PDZRN3: variants seen among roughly 807,000 people sequenced by gnomAD.
The protein encoded by PDZRN3 is PDZ domain containing ring finger 3.
Under a neutral mutation model 85.7 loss-of-function variants are expected in PDZRN3, and 38 were observed. The ratio of observed to expected loss-of-function variants is 0.44; its 90% CI spans 0.34 to 0.58. The LOEUF is 0.58. Ranked by LOEUF, PDZRN3 falls within the 20% of genes least tolerant of loss-of-function variation. The pLI, the probability that PDZRN3 is intolerant of heterozygous loss-of-function variation, is 0.01. For missense variants in PDZRN3, 1,629 were observed against 1,506.4 expected, an observed-to-expected ratio of 1.08 and a Z score of -1.35; for synonymous variants, 759 against 638.0, an observed-to-expected ratio of 1.19 and a Z score of -2.86.
At chr3:73,401,587 G>C (rs1701750647) in intron 4 of PDZRN3, among the ~76,000 whole-genome samples, 1 of 152,214 alleles carries the variant, frequency 6.6e-6, no homozygotes, top group Admixed American at 6.5e-5. Context: ...GTAGGCATAA[G>C]TGCATCTGTG....
chr3:73,614,554 T>C (rs1040938812), intron 1 of PDZRN3, among the ~76,000 whole-genome samples: 7 of 152,216 alleles, frequency 4.6e-5, no homozygotes, highest in African/African-American at 1.7e-4. Flanking sequence ...GAAATGTAAC[T>C]GACTGACCGC....
intron 3 of PDZRN3, among the ~76,000 whole-genome samples, chr3:73,437,873 T>C (rs1702560644): frequency 1.3e-5 from 2 of 152,168 alleles, no homozygotes; most frequent in South Asian, 2.1e-4. Context: ...CCCTACCATT[T>C]AGTAAAGCTC....
Position 73,437,150 on chromosome 3 carries a change from T to G in PDZRN3, c.919-32755A>C, listed in dbSNP as rs7628858. Reference sequence around the variant, plus strand: ...TTAGAAATAATCAGAAATTTTAAATTTATTCATTAATTCATTTTAAAATAG... The same window carrying G: ...TTAGAAATAATCAGAAATTTTAAATGTATTCATTAATTCATTTTAAAATAG... On this transcript the variant is annotated intron_variant, in intron 3 of 9. Coordinates refer to ENST00000263666, the MANE Select transcript of PDZRN3 (RefSeq NM_015009.3). 6.5e-3 allele frequency among the ~76,000 whole-genome samples: 985 copies of G among 152,074 alleles called. 2 individuals carry two copies. Among genetic ancestry groups the G allele is most frequent in the Non-Finnish European group, 7.7e-3 (523 of 67,992 alleles).
intron 3 of PDZRN3, among the ~76,000 whole-genome samples, chr3:73,411,717 C>T (rs1008154870): frequency 5.3e-5 from 8 of 152,176 alleles, no homozygotes; most frequent in Non-Finnish European, 1.0e-4. Context: ...GGCTTGAAAA[C>T]GGTGTCTCCC....
chr3:73,529,660 G>C (rs1282957478), intron 3 of PDZRN3, among the ~76,000 whole-genome samples: 2 of 152,202 alleles, frequency 1.3e-5, no homozygotes, highest in Non-Finnish European at 2.9e-5. Context: ...AAATAAAGCT[G>C]GTTATCAAGG....
At chr3:73,606,829 T>C (rs1702606859) in intron 2 of PDZRN3, among the ~76,000 whole-genome samples, 1 of 152,254 alleles carries the variant, frequency 6.6e-6, no homozygotes, top group South Asian at 2.1e-4. Flanking sequence ...TTGTTTCTTT[T>C]TGAAACTGTG....
chr3:73,468,517 C>A (rs1392121249), intron 3 of PDZRN3, among the ~76,000 whole-genome samples: 1 of 150,536 alleles, frequency 6.6e-6, no homozygotes, highest in Admixed American at 6.6e-5. Flanking sequence ...TATGGAAAAA[C>A]CATGAAGATG....
At chr3:73,435,079 T>C (rs1702506447) in intron 3 of PDZRN3, among the ~76,000 whole-genome samples, 1 of 152,176 alleles carries the variant, frequency 6.6e-6, no homozygotes, top group Admixed American at 6.5e-5. Flanking sequence ...GACTCCCACG[T>C]CCCTTGCTGA....
At chr3:73,453,115 A>C (rs1702900259) in intron 3 of PDZRN3, among the ~76,000 whole-genome samples, 1 of 152,140 alleles carries the variant, frequency 6.6e-6, no homozygotes, top group African/African-American at 2.4e-5. Context: ...GGCTAGAAAG[A>C]ACTTGCTGTT....
At chr3:73,450,965 C>A (rs929891858) in intron 3 of PDZRN3, among the ~76,000 whole-genome samples, 1 of 152,034 alleles carries the variant, frequency 6.6e-6, no homozygotes, top group African/African-American at 2.4e-5. Flanking sequence ...CAAATTTCAC[C>A]CACACCCACC....
intron 3 of PDZRN3, among the ~76,000 whole-genome samples, chr3:73,524,767 C>T (rs1053448296): frequency 6.6e-6 from 1 of 151,756 alleles, no homozygotes; most frequent in Non-Finnish European, 1.5e-5. Flanking sequence ...ACATTGTTAC[C>T]CAGGCATGCA....
At chr3:73,573,043 T>C (rs1337762357) in intron 3 of PDZRN3, among the ~76,000 whole-genome samples, 3 of 152,216 alleles carry the variant, frequency 2.0e-5, no homozygotes, top group Admixed American at 1.3e-4. Flanking sequence ...TCTAATAAGA[T>C]ACAGAGGTTG....
chr3:73,527,940 C>G (rs1207194641), intron 3 of PDZRN3, among the ~76,000 whole-genome samples: 1 of 152,194 alleles, frequency 6.6e-6, no homozygotes, highest in African/African-American at 2.4e-5. Context: ...CCACGATGAG[C>G]AGATGTTCAT....
At chr3:73,469,083 T>G (rs1703281966) in intron 3 of PDZRN3, among the ~76,000 whole-genome samples, 1 of 151,972 alleles carries the variant, frequency 6.6e-6, no homozygotes, top group Admixed American at 6.6e-5. Context: ...TCATCTTTTT[T>G]TTTTTTTTGA....
At chr3:73,440,228 G>A (rs1702608881) in intron 3 of PDZRN3, among the ~76,000 whole-genome samples, 3 of 152,138 alleles carry the variant, frequency 2.0e-5, no homozygotes, top group Admixed American at 1.3e-4. Flanking sequence ...ACAATAACAT[G>A]GAGAGGAGGC....
chr3:73,471,145 C>G (rs1703331172), intron 3 of PDZRN3, among the ~76,000 whole-genome samples: 1 of 151,974 alleles, frequency 6.6e-6, no homozygotes, highest in African/African-American at 2.4e-5. Flanking sequence ...CTGGTGTCTT[C>G]ATAAAAAGGG....
chr3:73,470,974 A>T (rs964121413), intron 3 of PDZRN3, among the ~76,000 whole-genome samples: 12 of 152,230 alleles, frequency 7.9e-5, no homozygotes, highest in Non-Finnish European at 1.5e-4. Context: ...TGATGTCTGT[A>T]ATGTGTTGAA....
At chr3:73,437,681 A>C (rs1702556890) in intron 3 of PDZRN3, among the ~76,000 whole-genome samples, 1 of 152,156 alleles carries the variant, frequency 6.6e-6, no homozygotes, top group South Asian at 2.1e-4. Context: ...ACACTCATGC[A>C]CCCATTATGC....
chr3:73,537,782 G>A (rs1427626798), intron 3 of PDZRN3, among the ~76,000 whole-genome samples: 1 of 131,140 alleles, frequency 7.6e-6, no homozygotes, highest in East Asian at 2.2e-4. Context: ...ACCACACCCG[G>A]CTAATTTTTT....
Sources: allele counts gnomAD v4.1 joint callset (sites outside exome capture counted in the v4.1 genomes callset), GRCh38; gene constraint gnomAD v4.1.1; transcripts MANE v1.5; gene names NCBI Gene and HGNC (gene_info 2026-07-23, HGNC 2026-07-21).